TTC28: variants seen among roughly 807,000 people sequenced by gnomAD.
The protein encoded by TTC28 is tetratricopeptide repeat domain 28, also known as tetratricopeptide repeat protein 28.
TTC28 carries 61 observed loss-of-function variants against 198.0 expected under a neutral mutation model. The ratio of observed to expected loss-of-function variants is 0.31; its 90% CI spans 0.25 to 0.38. The LOEUF is 0.38. Among genes scored for constraint, TTC28 ranks in the 10% least tolerant of loss-of-function variants. The probability of loss-of-function intolerance (pLI) is 1.00; values close to 1 mark genes in which losing one functional copy is unlikely to be tolerated. For missense variants in TTC28, 2,678 were observed against 3,164.0 expected (o/e 0.85, Z 3.69); for synonymous variants, 1,171 against 1,297.8 (o/e 0.90, Z 2.10).
chr22:28,656,059 A>T (rs2051644773), intron 1 of TTC28, among the ~76,000 whole-genome samples: 1 of 152,176 alleles, frequency 6.6e-6, no homozygotes, highest in African/African-American at 2.4e-5. Flanking sequence ...TAAAAAGCTG[A>T]AAGGACGCAA....
chr22:28,612,312 C>T (rs993404169), intron 2 of TTC28, among the ~76,000 whole-genome samples: 1 of 152,092 alleles, frequency 6.6e-6, no homozygotes, highest in Non-Finnish European at 1.5e-5. Flanking sequence ...ACAGGAGCAC[C>T]CAGATTCATA....
intron 12 of TTC28, among the ~76,000 whole-genome samples, chr22:28,032,266 T>TATATATAA (rs1939159779): frequency 2.9e-5 from 2 of 69,024 alleles, no homozygotes; most frequent in African/African-American, 7.3e-5. Flanking sequence ...TATATATATA[T>TATATATAA]AGTGTGTGTG....
intron 2 of TTC28, among the ~76,000 whole-genome samples, chr22:28,460,917 C>G (rs1357134365): frequency 6.6e-6 from 1 of 152,094 alleles, no homozygotes; most frequent in Non-Finnish European, 1.5e-5. Context: ...CTCCTGGGCT[C>G]ATACTCTCCT....
At chr22:28,490,371 G>C (rs746550736) in intron 2 of TTC28, among the ~76,000 whole-genome samples, 8 of 152,140 alleles carry the variant, frequency 5.3e-5, no homozygotes, top group Admixed American at 1.3e-4. Context: ...GTCATTCAGG[G>C]ATGCAGGCTT....
intron 2 of TTC28, among the ~76,000 whole-genome samples, chr22:28,527,490 C>A (rs1354633689): frequency 6.6e-6 from 1 of 152,204 alleles, no homozygotes; most frequent in East Asian, 1.9e-4. Context: ...AAACCAGAAA[C>A]TTCTCTGCCA....
chr22:28,495,592 A>G (rs1361561565), intron 2 of TTC28, among the ~76,000 whole-genome samples: 1 of 152,204 alleles, frequency 6.6e-6, no homozygotes, highest in Admixed American at 6.5e-5. Flanking sequence ...CTCAAAAACA[A>G]TAAAGAAACT....
intron 2 of TTC28, among the ~76,000 whole-genome samples, chr22:28,587,353 G>A (rs984803956): frequency 6.6e-6 from 1 of 152,232 alleles, no homozygotes; most frequent in Admixed American, 6.5e-5. Context: ...CTGGGTGTGA[G>A]AGTCTGTCTC....
chr22:28,208,243 G>C (rs751378541), intron 5 of TTC28, among the ~76,000 whole-genome samples: 1 of 152,138 alleles, frequency 6.6e-6, no homozygotes, highest in African/African-American at 2.4e-5. Flanking sequence ...AAGTAATTTA[G>C]TATTAGTCAA....
intron 2 of TTC28, among the ~76,000 whole-genome samples, chr22:28,523,382 T>C (rs942130064): frequency 2.6e-5 from 4 of 152,214 alleles, no homozygotes; most frequent in African/African-American, 9.6e-5. Flanking sequence ...TCTATATACA[T>C]CCATATGATA....
chr22:28,223,895 C>G (rs134175), intron 5 of TTC28, among the ~76,000 whole-genome samples: 4 of 152,352 alleles, frequency 2.6e-5, no homozygotes, highest in Middle Eastern at 3.4e-3. Context: ...TGGATTTTGG[C>G]GGGAAAATCC....
chr22:28,593,473 G>GTAGC (rs1218331110), intron 2 of TTC28, among the ~76,000 whole-genome samples: 4 of 52,388 alleles, frequency 7.6e-5, no homozygotes, highest in East Asian at 4.2e-4. Context: ...AGGTAGCTAG[G>GTAGC]TAGGTAGGTA....
At position 28,385,947 on chromosome 22, in the gene TTC28, C is replaced by A. The variant is rs2046576023; in HGVS notation, c.382-79304G>T. The stretch of plus-strand genomic sequence containing the variant: ...AGTAAGTCTGCCAAAATCTTCCAAA[C>A]TTTCTAAGCCCCGCTCGAGTCCCAT... On this transcript the variant is annotated intron_variant, in intron 2 of 22. Transcript: ENST00000397906. 4.6e-5 allele frequency among the ~76,000 whole-genome samples: 7 copies of A among 152,284 alleles called. No homozygotes were observed. In the South Asian group the frequency reaches 1.4e-3, roughly 32 times the overall value.
intron 2 of TTC28, among the ~76,000 whole-genome samples, chr22:28,346,353 A>C (rs916933853): frequency 1.3e-5 from 2 of 152,230 alleles, no homozygotes; most frequent in Non-Finnish European, 2.9e-5. Flanking sequence ...ATTAGGGACC[A>C]CAGCCTGAAT....
At chr22:28,266,851 T>C (rs907153526) in intron 5 of TTC28, among the ~76,000 whole-genome samples, 4 of 152,204 alleles carry the variant, frequency 2.6e-5, no homozygotes, top group Non-Finnish European at 5.9e-5. Flanking sequence ...CAATGACCAT[T>C]AAGCATCTGA....
chr22:28,566,379 A>G (rs1331652466), intron 2 of TTC28, among the ~76,000 whole-genome samples: 1 of 152,214 alleles, frequency 6.6e-6, no homozygotes, highest in African/African-American at 2.4e-5. Flanking sequence ...GACTGAGCAT[A>G]TACCTGAAAG....
At chr22:28,140,622 G>A (rs1943308759) in intron 6 of TTC28, among the ~76,000 whole-genome samples, 1 of 152,220 alleles carries the variant, frequency 6.6e-6, no homozygotes, top group Non-Finnish European at 1.5e-5. Flanking sequence ...TCATGGGACT[G>A]TGGGCATTTC....
intron 2 of TTC28, among the ~76,000 whole-genome samples, chr22:28,336,034 A>G (rs2045710743): frequency 6.6e-6 from 1 of 152,158 alleles, no homozygotes; most frequent in Non-Finnish European, 1.5e-5. Context: ...ATTTATTGAG[A>G]GTTTTTAGCA....
In TTC28 at chr22:28,312,723, G is replaced by GA. The variant is rs1354800798; in HGVS notation, c.382-6081dup. ...AAACATTTAAAGCAGTGTGTAGAGG[G>GA]AAATTTATAGCACTAAATGCCCACA... On this transcript the variant is annotated intron_variant, in intron 2 of 22. Coordinates refer to ENST00000397906, the MANE Select transcript of TTC28 (RefSeq NM_001145418.2). Among the ~76,000 whole-genome samples the GA allele has an allele frequency of 2.6e-5, 4 of 152,130 alleles. No individual in the cohort carries two copies. In the East Asian group the frequency reaches 7.7e-4, roughly 29 times the overall value.
intron 2 of TTC28, among the ~76,000 whole-genome samples, chr22:28,407,278 G>A (rs1162026519): frequency 6.6e-6 from 1 of 152,124 alleles, no homozygotes; most frequent in Non-Finnish European, 1.5e-5. Flanking sequence ...TCTGGAGAAA[G>A]CAGGAGAAGA....
Sources: allele counts gnomAD v4.1 joint callset (sites outside exome capture counted in the v4.1 genomes callset), GRCh38; gene constraint gnomAD v4.1.1; transcripts MANE v1.5; gene names NCBI Gene and HGNC (gene_info 2026-07-23, HGNC 2026-07-21).